The following SBF2 variants were observed in gnomAD, a reference collection of about 807,000 sequenced individuals.
The protein encoded by SBF2 is SET binding factor 2, also known as myotubularin-related protein 13.
A neutral mutation model predicts 225.2 loss-of-function variants in SBF2; 112 were observed. That is an observed-to-expected ratio of 0.50 (90% CI 0.43 to 0.58). The LOEUF is 0.58. Ranked by LOEUF, SBF2 falls within the 20% of genes least tolerant of loss-of-function variation. The pLI is 0.00. For synonymous variants in SBF2, 763 were observed against 773.3 expected, an observed-to-expected ratio of 0.99 and a Z score of 0.22; for missense variants, 1,996 against 2,206.2, an observed-to-expected ratio of 0.90 and a Z score of 1.91.
rs1317780456 is a variant in SBF2, at chr11:9,779,548, G to A, written c.*870C>T. On this transcript the variant is annotated 3_prime_UTR_variant, in exon 40 of 40. Transcript: ENST00000256190. ...CACAGCCCTTGTCACAGGTGCGTAT[G>A]GTCCTAAATAGCTGGCCTCTGTCTT... The A allele has an allele frequency of 6.5e-6, 1 of 152,684 alleles. No individual in the cohort carries two copies. Among genetic ancestry groups the A allele is most frequent in the Non-Finnish European group, 1.5e-5 (1 of 68,098 alleles). 9.5% of individuals were successfully genotyped at this position (152,684 alleles called of 1,614,324 possible).
chr11:9,967,048 T>G (rs1035314952), intron 14 of SBF2, among the ~76,000 whole-genome samples: 3 of 152,060 alleles, frequency 2.0e-5, no homozygotes, highest in African/African-American at 7.2e-5. Flanking sequence ...GTGATATATA[T>G]CCAAACAACG....
Position 9,790,668 on chromosome 11 carries a change from T to C in SBF2, c.4586A>G (p.Asp1529Gly), listed in dbSNP as rs1367937710. The change falls in exon 34 of 40, where the codon GAT (aspartate) becomes GGT (glycine). Residue 1529 changes from aspartate (D) to glycine (G), a missense_variant. Transcript: ENST00000256190. The stretch of plus-strand genomic sequence containing the variant: ...TTTTTTGGCATGCTTTTCTCCTTTA[T>C]CATCAAATAAAGTTCCTGTAGATTA... Reference protein sequence around the residue: ...ERLEHGTLFDDKGEKHAKKGV... With the variant: ...ERLEHGTLFDGKGEKHAKKGV... The C allele has an allele frequency of 6.3e-7, 1 of 1,582,054 alleles. No homozygotes were observed. Among genetic ancestry groups the C allele is most frequent in the Admixed American group, 1.7e-5 (1 of 59,396 alleles).
chr11:10,273,284 T>TC (rs1179896034), intron 1 of SBF2, among the ~76,000 whole-genome samples: 3 of 152,176 alleles, frequency 2.0e-5, no homozygotes, highest in African/African-American at 7.2e-5. Context: ...TTACTTCAAC[T>TC]TAATTGCACA....
intron 6 of SBF2, among the ~76,000 whole-genome samples, chr11:10,008,828 C>T (rs1948313914): frequency 6.6e-6 from 1 of 152,240 alleles, no homozygotes; most frequent in African/African-American, 2.4e-5. Context: ...CCAAGGAATG[C>T]TTTGCATGTG....
At chr11:10,027,058 A>G (rs1949081342) in intron 6 of SBF2, among the ~76,000 whole-genome samples, 1 of 152,198 alleles carries the variant, frequency 6.6e-6, no homozygotes, top group African/African-American at 2.4e-5. Flanking sequence ...ACTAATTAAT[A>G]CATGCATTAC....
intron 16 of SBF2, among the ~76,000 whole-genome samples, chr11:9,946,449 CTTTCT>C (rs1212961963): frequency 3.4e-5 from 5 of 146,426 alleles, no homozygotes; most frequent in Non-Finnish European, 7.6e-5. Context: ...TTCTTTCTTT[CTTTCT>C]TTTTTTTTTT....
intron 2 of SBF2, among the ~76,000 whole-genome samples, chr11:10,071,257 C>A (rs1348109628): frequency 1.7e-5 from 2 of 120,964 alleles, no homozygotes; most frequent in Non-Finnish European, 3.7e-5. Flanking sequence ...CTTTTTTTCT[C>A]TCTCTCTCTT....
At chr11:10,155,932 G>A (rs141402632) in intron 2 of SBF2, among the ~76,000 whole-genome samples, 108 of 152,366 alleles carry the variant, frequency 7.1e-4, no homozygotes, top group Middle Eastern at 3.4e-3. Context: ...TGCAGTCAGG[G>A]ACGTGTGGCT....
chr11:10,175,658 G>A (rs950699411), intron 2 of SBF2, among the ~76,000 whole-genome samples: 30 of 150,048 alleles, frequency 2.0e-4, no homozygotes, highest in Middle Eastern at 3.4e-3. Context: ...TGCACCAAGC[G>A]GACCTAACAG....
At chr11:10,157,519 T>A (rs1454407999) in intron 2 of SBF2, among the ~76,000 whole-genome samples, 1 of 152,092 alleles carries the variant, frequency 6.6e-6, no homozygotes, top group African/African-American at 2.4e-5. Flanking sequence ...AAACTATGCA[T>A]CCAACAAGGT....
chr11:9,822,136 C>G (rs1276831016), intron 28 of SBF2, among the ~76,000 whole-genome samples: 1 of 152,052 alleles, frequency 6.6e-6, no homozygotes, highest in Non-Finnish European at 1.5e-5. Context: ...TTCCTCATAA[C>G]TACCTTAAAA....
intron 2 of SBF2, among the ~76,000 whole-genome samples, chr11:10,188,167 T>C (rs1957014161): frequency 6.6e-6 from 1 of 151,990 alleles, no homozygotes; most frequent in African/African-American, 2.4e-5. Flanking sequence ...AAAGAAGAAA[T>C]AGGATAGTAG....
intron 1 of SBF2, among the ~76,000 whole-genome samples, chr11:10,291,597 G>C (rs1368307925): frequency 6.6e-6 from 1 of 151,806 alleles, no homozygotes; most frequent in Non-Finnish European, 1.5e-5. Context: ...CTTCGGGCAG[G>C]TGGGCTAGTG....
intron 17 of SBF2, among the ~76,000 whole-genome samples, chr11:9,881,048 G>C (rs930402802): frequency 1.3e-5 from 2 of 152,026 alleles, no homozygotes; most frequent in Non-Finnish European, 2.9e-5. Context: ...GTCAATGGTG[G>C]TTTTAAGATT....
intron 2 of SBF2, among the ~76,000 whole-genome samples, chr11:10,111,997 G>C (rs1385079102): frequency 6.6e-6 from 1 of 152,202 alleles, no homozygotes; most frequent in African/African-American, 2.4e-5. Flanking sequence ...GCTGTATTTA[G>C]ACATCAAATT....
At chr11:10,244,426 T>C (rs1413050113) in intron 1 of SBF2, among the ~76,000 whole-genome samples, 1 of 152,216 alleles carries the variant, frequency 6.6e-6, no homozygotes, top group East Asian at 1.9e-4. Flanking sequence ...CAGTTGAGTA[T>C]ATGCATGGAT....
At chr11:10,167,062 C>T (rs1464528533) in intron 2 of SBF2, among the ~76,000 whole-genome samples, 2 of 152,048 alleles carry the variant, frequency 1.3e-5, no homozygotes, top group East Asian at 1.9e-4. Context: ...TAGAAATACA[C>T]AGGATTTTTA....
intron 28 of SBF2, among the ~76,000 whole-genome samples, chr11:9,825,996 A>T (rs1386671601): frequency 6.6e-6 from 1 of 152,230 alleles, no homozygotes; most frequent in Non-Finnish European, 1.5e-5. Flanking sequence ...TTTTAAACGA[A>T]GAATCACATG....
intron 17 of SBF2, among the ~76,000 whole-genome samples, chr11:9,878,232 T>G (rs895137432): frequency 3.9e-5 from 6 of 152,346 alleles, no homozygotes; most frequent in South Asian, 4.1e-4. Context: ...TTGCCCACTT[T>G]TTGATGGGGT....
Sources: gnomAD v4.1 joint callset for allele counts (sites outside exome capture counted in the v4.1 genomes callset) on GRCh38, gnomAD v4.1.1 for gene constraint, MANE v1.5 for transcripts, NCBI Gene and HGNC (gene_info 2026-07-23, HGNC 2026-07-21) for gene names.